Variants in MYO1D observed in about 807,000 individuals in gnomAD.
MYO1D encodes the protein unconventional myosin-Id.
Under a neutral mutation model 122.0 loss-of-function variants are expected in MYO1D, and 83 were observed. That is an observed-to-expected ratio of 0.68 (90% confidence interval 0.57 to 0.82). MYO1D has a LOEUF of 0.82. Among genes scored for constraint, MYO1D ranks in the 40% least tolerant of loss-of-function variants. The probability of loss-of-function intolerance (pLI) is 0.00; values close to 1 mark genes in which losing one functional copy is unlikely to be tolerated. For synonymous variants in MYO1D, 464 were observed against 446.9 expected, an observed-to-expected ratio of 1.04 and a Z score of -0.48; for missense variants, 1,157 against 1,269.5, an observed-to-expected ratio of 0.91 and a Z score of 1.35.
chr17:32,873,093 G>T (rs1039254581), intron 1 of MYO1D, among the ~76,000 whole-genome samples: 1 of 152,126 alleles, frequency 6.6e-6, no homozygotes, highest in African/African-American at 2.4e-5. Context: ...GAAAAAGAAG[G>T]CCAGATTAAT....
At chr17:32,740,953 C>T (rs1334795653) in intron 13 of MYO1D, among the ~76,000 whole-genome samples, 1 of 152,104 alleles carries the variant, frequency 6.6e-6, no homozygotes, top group African/African-American at 2.4e-5. Flanking sequence ...TGCTTGCTCC[C>T]TTCCTCCCTT....
At position 32,694,056 on chromosome 17, in the gene MYO1D, T is replaced by C. The variant is rs975524609; in HGVS notation, c.2121+17932A>G. Among the ~76,000 whole-genome samples the C allele has an allele frequency of 5.3e-5, 8 of 152,366 alleles. No individual in the cohort carries two copies. In the East Asian group the frequency reaches 1.5e-3, roughly 29 times the overall value. On this transcript the variant is annotated intron_variant, in intron 16 of 21. Transcript: ENST00000318217. ...CATAGTAAGTTCAGTGACTTGTACA[T>C]AGTAATGCTATTCTAATAGCGCTGC...
intron 21 of MYO1D, among the ~76,000 whole-genome samples, chr17:32,545,418 TAGTC>T (rs1252623769): frequency 2.6e-5 from 4 of 152,206 alleles, no homozygotes; most frequent in Non-Finnish European, 5.9e-5. Context: ...CTTCTGAATG[TAGTC>T]AGTCCCCATT....
At chr17:32,653,295 GT>G (rs1018275145) in intron 19 of MYO1D, among the ~76,000 whole-genome samples, 3 of 148,144 alleles carry the variant, frequency 2.0e-5, no homozygotes, top group South Asian at 2.1e-4. Flanking sequence ...TAGTTTTTTT[GT>G]TTTTTTTTTC....
At chr17:32,560,204 G>A (rs771936955) in intron 21 of MYO1D, among the ~76,000 whole-genome samples, 3 of 152,018 alleles carry the variant, frequency 2.0e-5, no homozygotes, top group Admixed American at 6.6e-5. Flanking sequence ...GCAGTGAGCC[G>A]AGATTGCACC....
chr17:32,862,759 T>C (rs2091088576), intron 1 of MYO1D: 1 of 152,230 alleles, frequency 6.6e-6, no homozygotes, highest in Admixed American at 6.5e-5. Context: ...CACTGACTAT[T>C]TGGATAAGTT....
Position 32,696,598 on chromosome 17 carries a change from A to C in MYO1D, c.2121+15390T>G, listed in dbSNP as rs1282011585. Reference sequence around the variant, plus strand: ...TAGATAAATAAGGAAAGGGTTAGTAAATATTTATATACCTGTTATAAAATT... The same window carrying C: ...TAGATAAATAAGGAAAGGGTTAGTACATATTTATATACCTGTTATAAAATT... On this transcript the variant is annotated intron_variant, in intron 16 of 21. Transcript: ENST00000318217. 2.6e-5 allele frequency among the ~76,000 whole-genome samples: 4 copies of C among 152,222 alleles called. No individual in the cohort carries two copies. In the East Asian group the frequency reaches 7.7e-4, roughly 29 times the overall value.
chr17:32,786,168 T>C (rs1036126826), intron 1 of MYO1D, among the ~76,000 whole-genome samples: 1 of 152,192 alleles, frequency 6.6e-6, no homozygotes, highest in Non-Finnish European at 1.5e-5. Flanking sequence ...GGTCTCAGTA[T>C]GCAGGTGGCT....
At chr17:32,650,664 C>T (rs537172932) in intron 19 of MYO1D, among the ~76,000 whole-genome samples, 1 of 152,068 alleles carries the variant, frequency 6.6e-6, no homozygotes. Context: ...TCTGCAAAGA[C>T]TAATCTGCTG....
At chr17:32,769,170 G>T (rs775495805) in intron 6 of MYO1D, among the ~76,000 whole-genome samples, 4 of 152,206 alleles carry the variant, frequency 2.6e-5, no homozygotes, top group Non-Finnish European at 5.9e-5. Flanking sequence ...GATGAGTGGA[G>T]GAGGGTTCTT....
chr17:32,874,896 A>C (rs182392642), intron 1 of MYO1D, among the ~76,000 whole-genome samples: 7 of 152,330 alleles, frequency 4.6e-5, no homozygotes, highest in Admixed American at 3.3e-4. Context: ...TTAAAAAAAA[A>C]AGCAGAAATT....
intron 21 of MYO1D, among the ~76,000 whole-genome samples, chr17:32,545,877 TA>T (rs1010872992): frequency 6.6e-6 from 1 of 152,070 alleles, no homozygotes; most frequent in African/African-American, 2.4e-5. Context: ...AATAAGAATT[TA>T]AGGTCTGTTT....
chr17:32,755,485 A>G lies in MYO1D; in HGVS notation c.1467+7T>C. 6.2e-7 allele frequency: 1 copy of G among 1,613,064 alleles called. No individual in the cohort carries two copies. The highest frequency in any genetic ancestry group is 8.5e-7 in the Non-Finnish European group (1 of 1,179,320). On this transcript the variant is annotated splice_region_variant and intron_variant, in intron 11 of 21. Coordinates refer to ENST00000318217, the MANE Select transcript of MYO1D (RefSeq NM_015194.3). ...TAAAAGGAAGAAGGTGTCATTAAAC[A>G]CATTACCTTTCGGCTGGAAAAATGG...
At chr17:32,580,399 A>T (rs930542936) in intron 21 of MYO1D, among the ~76,000 whole-genome samples, 7 of 63,820 alleles carry the variant, frequency 1.1e-4, no homozygotes, top group Non-Finnish European at 1.5e-4. Context: ...CAGTTTGTTT[A>T]TCTGGTGAAT....
intron 10 of MYO1D, among the ~76,000 whole-genome samples, chr17:32,759,100 AT>A (rs1306859799): frequency 1.3e-5 from 2 of 152,280 alleles, no homozygotes; most frequent in South Asian, 2.1e-4. Context: ...CAACAGTTTC[AT>A]TCTTAGAAAG....
intron 1 of MYO1D, among the ~76,000 whole-genome samples, chr17:32,833,146 G>A (rs565452508): frequency 1.1e-4 from 16 of 152,114 alleles, no homozygotes; most frequent in Non-Finnish European, 2.4e-4. Context: ...AACGTAGCAT[G>A]TTAACACTGA....
At chr17:32,525,627 A>T (rs1220224472) in intron 21 of MYO1D, among the ~76,000 whole-genome samples, 1 of 152,158 alleles carries the variant, frequency 6.6e-6, no homozygotes, top group Non-Finnish European at 1.5e-5. Context: ...GCTAGAAAGG[A>T]ACATTTATTT....
At chr17:32,802,342 G>C (rs1417068020) in intron 1 of MYO1D, among the ~76,000 whole-genome samples, 3 of 152,268 alleles carry the variant, frequency 2.0e-5, no homozygotes, top group South Asian at 4.2e-4. Context: ...TGGATGCAGA[G>C]ACAAATAGTT....
At chr17:32,795,643 G>A (rs559142121) in intron 1 of MYO1D, among the ~76,000 whole-genome samples, 2 of 152,218 alleles carry the variant, frequency 1.3e-5, no homozygotes, top group African/African-American at 4.8e-5. Context: ...GATTCTCCCC[G>A]GGGCCTGAAA....
Sources: allele counts gnomAD v4.1 joint callset (sites outside exome capture counted in the v4.1 genomes callset), GRCh38; gene constraint gnomAD v4.1.1; transcripts MANE v1.5; gene names NCBI Gene and HGNC (gene_info 2026-07-23, HGNC 2026-07-21).